Variants in PCDHA3 observed in about 807,000 individuals in gnomAD.
The protein encoded by PCDHA3 is protocadherin alpha-3.
PCDHA3 carries 41 observed loss-of-function variants against 62.2 expected under a neutral mutation model. That is an observed-to-expected ratio of 0.66 (90% CI 0.51 to 0.86). The LOEUF is 0.86. PCDHA3 is among the 40% of genes least tolerant of loss of function. The probability of loss-of-function intolerance (pLI) is 0.00; values close to 1 mark genes in which losing one functional copy is unlikely to be tolerated. For synonymous variants in PCDHA3, 640 were observed against 555.4 expected (o/e 1.15, Z -2.14); for missense variants, 1,304 against 1,241.2 (o/e 1.05, Z -0.76).
At chr5:140,941,634 T>G (rs2093133728) in intron 1 of PCDHA3, among the ~76,000 whole-genome samples, 1 of 152,074 alleles carries the variant, frequency 6.6e-6, no homozygotes, top group South Asian at 2.1e-4. Context: ...TCTTAATTTC[T>G]GTCTTCCTAC....
chr5:140,806,841 C>G (rs559563314), intron 1 of PCDHA3: 35 of 267,634 alleles, frequency 1.3e-4, no homozygotes, highest in African/African-American at 7.7e-4. Context: ...AAGGACCACA[C>G]TCAATCAATC....
chr5:140,995,102 C>A (rs976806158), intron 3 of PCDHA3, among the ~76,000 whole-genome samples: 3 of 152,312 alleles, frequency 2.0e-5, no homozygotes, highest in Middle Eastern at 6.8e-3. Context: ...GAGATACATT[C>A]CAAGACCCTC....
At chr5:140,940,636 C>A (rs1554213535) in intron 1 of PCDHA3, among the ~76,000 whole-genome samples, 1 of 152,106 alleles carries the variant, frequency 6.6e-6, no homozygotes. Flanking sequence ...TTAAGCTTGT[C>A]ATTTATTTAT....
In PCDHA3 at chr5:140,857,536, G is replaced by A. The variant is rs782533924; in HGVS notation, c.2394+53945G>A. The A allele has an allele frequency of 2.5e-6, 4 of 1,597,412 alleles. No homozygotes were observed. In the South Asian group the frequency reaches 4.4e-5, roughly 18 times the overall value. ...TGGTGTCCTACTCTCTGGTGGAGCG[G>A]CGGTTGGGCGAGCGCTCGCTGTCGA... On this transcript the variant is annotated intron_variant, in intron 1 of 3. Coordinates refer to ENST00000522353, the MANE Select transcript of PCDHA3 (RefSeq NM_018906.3).
intron 1 of PCDHA3, among the ~76,000 whole-genome samples, chr5:140,839,729 A>G (rs1554137556): frequency 6.6e-6 from 1 of 152,080 alleles, no homozygotes; most frequent in Non-Finnish European, 1.5e-5. Flanking sequence ...CATTTCACAG[A>G]AAATACCCTT....
chr5:140,803,625 C>T, intron 1 of PCDHA3, 34 bp downstream of exon 1: 2 of 1,613,856 alleles, frequency 1.2e-6, no homozygotes, highest in Admixed American at 3.3e-5. Flanking sequence ...TCCAAAATGT[C>T]TTTGTTTTTC....
chr5:140,950,826 G>A (rs1554219646), intron 1 of PCDHA3, among the ~76,000 whole-genome samples: 1 of 151,824 alleles, frequency 6.6e-6, no homozygotes, highest in African/African-American at 2.4e-5. Flanking sequence ...TTAAAGTTTG[G>A]TCCTTTAAGA....
chr5:140,876,087 G>A, intron 1 of PCDHA3: 4 of 1,613,922 alleles, frequency 2.5e-6, no homozygotes, highest in Non-Finnish European at 2.5e-6. Context: ...GAGAGCAAAC[G>A]CCAAAACTCA....
intron 1 of PCDHA3, among the ~76,000 whole-genome samples, chr5:140,898,608 T>G (rs1208473607): frequency 7.2e-5 from 11 of 152,362 alleles, no homozygotes; most frequent in African/African-American, 2.6e-4. Flanking sequence ...TAGTATAGTT[T>G]GAAGTCAGGT....
At chr5:140,823,156 G>A (rs2150122926) in intron 1 of PCDHA3, 2 of 1,613,980 alleles carry the variant, frequency 1.2e-6, no homozygotes, top group South Asian at 1.1e-5. Context: ...CCAGTATACC[G>A]TGTTCGTGAA....
chr5:140,925,762 T>G (rs1172229426), intron 1 of PCDHA3, among the ~76,000 whole-genome samples: 3 of 152,052 alleles, frequency 2.0e-5, no homozygotes, highest in African/African-American at 7.2e-5. Flanking sequence ...ACAGAGTAGT[T>G]TCCTGGTCAA....
At chr5:140,917,665 T>C (rs1174470921) in intron 1 of PCDHA3, among the ~76,000 whole-genome samples, 4 of 152,220 alleles carry the variant, frequency 2.6e-5, no homozygotes, top group African/African-American at 9.6e-5. Flanking sequence ...AGGAAGTCCT[T>C]TCTCCATTGC....
At chr5:140,828,257 C>G (rs2150153164) in intron 1 of PCDHA3, 31 of 1,613,872 alleles carry the variant, frequency 1.9e-5, no homozygotes, top group Non-Finnish European at 2.5e-5. Context: ...GGGGCTGGAG[C>G]TGGCGGAGCT....
At chr5:140,955,207 G>A (rs2153705473) in intron 1 of PCDHA3, among the ~76,000 whole-genome samples, 1 of 152,290 alleles carries the variant, frequency 6.6e-6, no homozygotes, top group South Asian at 2.1e-4. Context: ...CAATCAAGTA[G>A]CATGATGCCT....
intron 1 of PCDHA3, among the ~76,000 whole-genome samples, chr5:140,839,959 T>C (rs1776495243): frequency 6.6e-6 from 1 of 151,872 alleles, no homozygotes; most frequent in South Asian, 2.1e-4. Context: ...ACATATTTTC[T>C]GTAAAATATG....
At chr5:141,004,580 A>T (rs782539696) in intron 3 of PCDHA3, among the ~76,000 whole-genome samples, 1 of 152,222 alleles carries the variant, frequency 6.6e-6, no homozygotes, top group Non-Finnish European at 1.5e-5. Context: ...TGTGTTCTGC[A>T]TCTCCAGATG....
intron 1 of PCDHA3, among the ~76,000 whole-genome samples, chr5:140,925,641 T>TAATA (rs2082614636): frequency 7.0e-6 from 1 of 143,358 alleles, no homozygotes; most frequent in Non-Finnish European, 1.5e-5. Flanking sequence ...GAACTTAAAG[T>TAATA]ATAATAATAA....
chr5:140,893,467 A>G (rs2064001411), intron 1 of PCDHA3, among the ~76,000 whole-genome samples: 1 of 152,186 alleles, frequency 6.6e-6, no homozygotes, highest in Non-Finnish European at 1.5e-5. Context: ...AGCCTGGGCA[A>G]CATAGCAAGA....
chr5:140,823,666 A>G (rs2150128103), intron 1 of PCDHA3: 50 of 1,614,028 alleles, frequency 3.1e-5, no homozygotes, highest in Admixed American at 5.0e-5. Context: ...AGGCGAGATC[A>G]GCACAACACG....
Sources: gnomAD v4.1 joint callset for allele counts (sites outside exome capture counted in the v4.1 genomes callset) on GRCh38, gnomAD v4.1.1 for gene constraint, MANE v1.5 for transcripts, NCBI Gene and HGNC (gene_info 2026-07-23, HGNC 2026-07-21) for gene names.